MROH1: variants seen among roughly 807,000 people sequenced by gnomAD.
The protein encoded by MROH1 is maestro heat like repeat family member 1, also known as maestro heat-like repeat-containing protein family member 1.
In MROH1, 117 loss-of-function variants were observed where a neutral mutation model predicts 116.5. The observed-to-expected ratio is 1.00, with a 90% confidence interval of 0.86 to 1.17. The LOEUF (loss-of-function observed/expected upper bound fraction) is 1.17, where lower values mean the gene tolerates loss of function less well. Among genes scored for constraint, MROH1 ranks in the 50% most tolerant of loss-of-function variants. The probability of loss-of-function intolerance (pLI) is 0.00; values close to 1 mark genes in which losing one functional copy is unlikely to be tolerated. For missense variants in MROH1, 1,873 were observed against 1,338.5 expected, an observed-to-expected ratio of 1.40 and a Z score of -6.23; for synonymous variants, 921 against 583.9, an observed-to-expected ratio of 1.58 and a Z score of -8.32.
chr8:144,244,557 G>A lies in MROH1; in HGVS notation c.2766+18G>A. On this transcript the variant is annotated intron_variant, in intron 28 of 43. Transcript: ENST00000326134. ...TGATTGAGGTGTGCAGGGGGGAACTGTCATGGGGATGGGGATGGGGGCACA... is the reference window on the plus strand; with the variant it reads ...TGATTGAGGTGTGCAGGGGGGAACTATCATGGGGATGGGGATGGGGGCACA... 1.4e-6 allele frequency: 1 copy of A among 734,624 alleles called. No homozygotes were observed. Among genetic ancestry groups the A allele is most frequent in the Non-Finnish European group, 2.5e-6 (1 of 397,438 alleles). 45.5% of individuals were successfully genotyped at this position (734,624 alleles called of 1,614,324 possible).
rs930805641 is a variant in MROH1, at chr8:144,260,937, C to T, written c.4567C>T (p.Pro1523Ser). 1.3e-6 allele frequency: 1 copy of T among 777,700 alleles called. No homozygotes were observed. Among genetic ancestry groups the T allele is most frequent in the African/African-American group, 1.7e-5 (1 of 59,216 alleles). The allele number at this position is 777,700 out of a possible 1,614,324, so 48.2% of individuals were successfully genotyped here. A position where few individuals can be genotyped will look rare whatever the true frequency, so the allele number is the denominator to read the frequency against. Residue 1523 changes from proline (P) to serine (S), a missense_variant, in exon 41 of 44, where the codon CCC (proline) becomes TCC (serine). Coordinates refer to ENST00000326134, the MANE Select transcript of MROH1 (RefSeq NM_032450.3). ...CAGGTTTGCCCTGCGCATGTGTGGC[C>T]CCAATCTGGCATGTGAGGAGCTCTC... ...ACRFALRMCGPNLACEELSAA... is the reference protein window; with the variant it reads ...ACRFALRMCGSNLACEELSAA...
At chr8:144,197,415 A>ATATT (rs1830148154) in intron 10 of MROH1, among the ~76,000 whole-genome samples, 1 of 49,442 alleles carries the variant, frequency 2.0e-5, no homozygotes, top group African/African-American at 1.3e-4. Context: ...AAGCTGCAGC[A>ATATT]TCTTTTTTTT....
intron 12 of MROH1, among the ~76,000 whole-genome samples, chr8:144,207,280 T>G (rs1006590221): frequency 5.3e-5 from 8 of 151,046 alleles, no homozygotes; most frequent in Non-Finnish European, 5.9e-5. Flanking sequence ...CTCCGCCTCC[T>G]GGGTTCAAGC....
At chr8:144,191,495 A>G (rs1320899772) in intron 8 of MROH1, among the ~76,000 whole-genome samples, 1 of 152,146 alleles carries the variant, frequency 6.6e-6, no homozygotes, top group Non-Finnish European at 1.5e-5. Flanking sequence ...CTGGCGGGGC[A>G]CTGAGCATCT....
intron 1 of MROH1, among the ~76,000 whole-genome samples, chr8:144,154,135 G>A (rs1817504209): frequency 2.0e-5 from 3 of 152,070 alleles, no homozygotes. Context: ...CAAGATCTCG[G>A]CTCACTGTAA....
At chr8:144,179,295 C>T (rs146275267) in intron 4 of MROH1, among the ~76,000 whole-genome samples, 160 bp from the exon 5 acceptor site, 326 of 152,220 alleles carry the variant, frequency 2.1e-3, no homozygotes, top group Non-Finnish European at 3.8e-3. Flanking sequence ...GCTTGCAGGC[C>T]GGCTTTTAGG....
chr8:144,250,276 C>T lies in MROH1; in HGVS notation c.3338C>T (p.Pro1113Leu), dbSNP rs1240017862. ...GAGGCCCAGGGAGAGCACGTCCTGC[C>T]GGCCGCCCAGCACAGCGTGTACCTC... ...LQEAQGEHVL[P>L]AAQHSVYLLA... Residue 1113 changes from proline (P) to leucine (L), a missense_variant, in exon 33 of 44, where the codon CCG becomes CTG. Pro to Leu is a moderately conservative substitution (Grantham distance 98, BLOSUM62 -3). Coordinates refer to ENST00000326134, the MANE Select transcript of MROH1 (RefSeq NM_032450.3). The T allele has an allele frequency of 1.6e-5, 12 of 766,958 alleles. No individual in the cohort carries two copies. The highest frequency in any genetic ancestry group is 5.1e-5 in the African/African-American group (3 of 59,138). The allele number at this position is 766,958 out of a possible 1,614,324, so 47.5% of individuals were successfully genotyped here. A position where few individuals can be genotyped will look rare whatever the true frequency, so the allele number is the denominator to read the frequency against.
At chr8:144,236,362 A>G (rs1027527757) in intron 14 of MROH1, among the ~76,000 whole-genome samples, 1 of 151,978 alleles carries the variant, frequency 6.6e-6, no homozygotes. Context: ...TGCACTGGAA[A>G]GTTGCTGTTT....
At chr8:144,188,756 G>T (rs1225652170) in intron 7 of MROH1, among the ~76,000 whole-genome samples, 2 of 152,122 alleles carry the variant, frequency 1.3e-5, no homozygotes, top group Non-Finnish European at 2.9e-5. Flanking sequence ...ATGAGCCACT[G>T]CGTCCGGCCA....
intron 7 of MROH1, among the ~76,000 whole-genome samples, chr8:144,183,648 C>CT (rs1175764154): frequency 7.0e-6 from 1 of 143,086 alleles, no homozygotes; most frequent in African/African-American, 2.5e-5. Flanking sequence ...CTTCTTTTTT[C>CT]TTTTTTCTTT....
chr8:144,155,390 GATAAA>G (rs1290681519), intron 1 of MROH1, among the ~76,000 whole-genome samples: 4 of 152,182 alleles, frequency 2.6e-5, no homozygotes, highest in African/African-American at 9.7e-5. Context: ...GGTAGTAAAT[GATAAA>G]ATAGACTAGT....
At position 144,248,860 on chromosome 8, in the gene MROH1, C is replaced by G. The variant is rs1842361121; in HGVS notation, c.3121-17C>G. 1.3e-6 allele frequency: 1 copy of G among 777,456 alleles called. No individual in the cohort carries two copies. The highest frequency in any genetic ancestry group is 2.4e-6 in the Non-Finnish European group (1 of 416,640). 48.2% of individuals were successfully genotyped at this position (777,456 alleles called of 1,614,324 possible). On this transcript the variant is annotated splice_polypyrimidine_tract_variant and intron_variant, in intron 31 of 43. Coordinates refer to ENST00000326134, the MANE Select transcript of MROH1 (RefSeq NM_032450.3). ...GTGCCCCCCTTCCCTCAACCTCTGG[C>G]ATCGCCTTCCTCCTAGATTATTGCC...
chr8:144,158,741 C>CTT (rs545027106), intron 1 of MROH1, among the ~76,000 whole-genome samples: 12 of 146,782 alleles, frequency 8.2e-5, no homozygotes, highest in African/African-American at 3.0e-4. Flanking sequence ...TTCTTTTACA[C>CTT]TTTTTTTTTT....
At position 144,181,349 on chromosome 8, in the gene MROH1, G is replaced by A. The variant is rs1248407762; in HGVS notation, c.562+826G>A. 4.7e-5 allele frequency among the ~76,000 whole-genome samples: 6 copies of A among 126,706 alleles called. No homozygotes were observed. In the East Asian group the frequency reaches 1.3e-3, roughly 26 times the overall value. 83.1% of individuals were successfully genotyped at this position (126,706 alleles called of 152,430 possible). A position where few individuals can be genotyped will look rare whatever the true frequency, so the allele number is the denominator to read the frequency against. On this transcript the variant is annotated intron_variant, in intron 7 of 43. Coordinates refer to ENST00000326134, the MANE Select transcript of MROH1 (RefSeq NM_032450.3). ...GGAGGGGCCTGGTGGGGCCCGGGCA[G>A]GGCATGTTTTCGAAGCATGGAGGGA...
At chr8:144,218,712 G>GC (rs1835905383) in intron 12 of MROH1, among the ~76,000 whole-genome samples, 2 of 2,718 alleles carry the variant, frequency 7.4e-4, no homozygotes, top group Admixed American at 5.7e-3. Flanking sequence ...CTCCCCTCCT[G>GC]TCCCCCCTCC....
intron 7 of MROH1, among the ~76,000 whole-genome samples, chr8:144,185,777 CG>C (rs1826940970): frequency 7.1e-5 from 2 of 28,054 alleles, no homozygotes; most frequent in Admixed American, 4.7e-4. Context: ...AGGGGCAGTG[CG>C]GGGACCGTGG....
chr8:144,220,919 C>T (rs966031345), intron 13 of MROH1, among the ~76,000 whole-genome samples: 2 of 152,206 alleles, frequency 1.3e-5, no homozygotes, highest in African/African-American at 2.4e-5. Context: ...GGGTCCCTAG[C>T]CCCTCCTTCA....
chr8:144,170,091 C>A (rs1381130179), intron 4 of MROH1, among the ~76,000 whole-genome samples: 3 of 152,212 alleles, frequency 2.0e-5, no homozygotes, highest in African/African-American at 7.2e-5. Flanking sequence ...CCTCGGCCTC[C>A]CAGAGTGCTG....
At chr8:144,253,788 CTAG>C (rs1250645689) in intron 33 of MROH1, among the ~76,000 whole-genome samples, 60 of 152,086 alleles carry the variant, frequency 3.9e-4, no homozygotes, top group Middle Eastern at 3.4e-3. Context: ...GCTTAGTATC[CTAG>C]TTCAGTGGAG....
Sources: allele counts gnomAD v4.1 joint callset (sites outside exome capture counted in the v4.1 genomes callset), GRCh38; gene constraint gnomAD v4.1.1; transcripts MANE v1.5; gene names NCBI Gene and HGNC (gene_info 2026-07-23, HGNC 2026-07-21).